The following ST8SIA1 variants were observed in gnomAD, a reference collection of about 807,000 sequenced individuals.
ST8SIA1 encodes alpha-N-acetylneuraminide alpha-2,8-sialyltransferase.
ST8SIA1 carries 16 observed loss-of-function variants against 35.9 expected under a neutral mutation model. The ratio of observed to expected loss-of-function variants is 0.45; its 90% CI spans 0.30 to 0.68. The LOEUF (loss-of-function observed/expected upper bound fraction) is 0.68. Among genes scored for constraint, ST8SIA1 ranks in the 30% least tolerant of loss-of-function variants. The pLI, the probability that ST8SIA1 is intolerant of heterozygous loss-of-function variation, is 0.09. For synonymous variants in ST8SIA1, 170 were observed against 169.6 expected (o/e 1.00, Z -0.02); for missense variants, 383 against 453.6 (o/e 0.84, Z 1.41).
At chr12:22,303,006 G>A (rs1228210896) in intron 1 of ST8SIA1, among the ~76,000 whole-genome samples, 3 of 152,030 alleles carry the variant, frequency 2.0e-5, no homozygotes. Context: ...AACCACCTTG[G>A]GCACATGTTG....
chr12:22,213,429 G>A (rs904787157), intron 4 of ST8SIA1, among the ~76,000 whole-genome samples: 12 of 152,176 alleles, frequency 7.9e-5, no homozygotes, highest in Admixed American at 5.9e-4. Context: ...CAGCATGGGG[G>A]TTCCAAACCT....
At chr12:22,207,535 G>C (rs1318752513) in intron 4 of ST8SIA1, among the ~76,000 whole-genome samples, 2 of 152,224 alleles carry the variant, frequency 1.3e-5, no homozygotes, top group East Asian at 3.9e-4. Context: ...TTGGGGGAGT[G>C]GGGGGCGGTC....
intron 2 of ST8SIA1, among the ~76,000 whole-genome samples, chr12:22,261,164 A>T (rs1203876161): frequency 2.0e-5 from 3 of 151,922 alleles, no homozygotes; most frequent in Non-Finnish European, 4.4e-5. Context: ...GTTTGTTTTG[A>T]GACAGAGTCT....
At chr12:22,306,330 T>C (rs200724361) in intron 1 of ST8SIA1, among the ~76,000 whole-genome samples, 3 of 152,178 alleles carry the variant, frequency 2.0e-5, no homozygotes, top group East Asian at 3.9e-4. Context: ...CTGTCTCACA[T>C]ATTCAGGGTT....
intron 4 of ST8SIA1, among the ~76,000 whole-genome samples, chr12:22,217,299 G>A (rs1044131374): frequency 6.6e-6 from 1 of 152,048 alleles, no homozygotes; most frequent in Admixed American, 6.6e-5. Context: ...TTTAAAAACA[G>A]ATATTAATTT....
intron 4 of ST8SIA1, among the ~76,000 whole-genome samples, chr12:22,231,999 T>G (rs1200653653): frequency 1.3e-5 from 2 of 152,198 alleles, no homozygotes; most frequent in Non-Finnish European, 2.9e-5. Context: ...TTGCTAGGGT[T>G]ATTCTCATAG....
chr12:22,242,521 T>C (rs1458755938), intron 4 of ST8SIA1, among the ~76,000 whole-genome samples: 1 of 152,138 alleles, frequency 6.6e-6, no homozygotes, highest in Non-Finnish European at 1.5e-5. Flanking sequence ...ATTTAACCTA[T>C]GCCACAAAAA....
At chr12:22,246,881 C>G (rs1865610278) in intron 4 of ST8SIA1, among the ~76,000 whole-genome samples, 1 of 152,130 alleles carries the variant, frequency 6.6e-6, no homozygotes, top group African/African-American at 2.4e-5. Flanking sequence ...GGGCACAGAA[C>G]CTGGCACACA....
chr12:22,234,863 A>G (rs1273092444), intron 4 of ST8SIA1, among the ~76,000 whole-genome samples: 4 of 152,206 alleles, frequency 2.6e-5, no homozygotes, highest in Non-Finnish European at 4.4e-5. Context: ...AATCAATAAA[A>G]TATGGTAATT....
intron 4 of ST8SIA1, chr12:22,223,669 A>G: frequency 8.4e-7 from 1 of 1,187,356 alleles, no homozygotes; most frequent in Non-Finnish European, 1.1e-6. Context: ...CTGATTCTGC[A>G]GTCTATTGAT....
At chr12:22,219,227 C>A (rs935023184) in intron 4 of ST8SIA1, among the ~76,000 whole-genome samples, 1 of 152,084 alleles carries the variant, frequency 6.6e-6, no homozygotes, top group Non-Finnish European at 1.5e-5. Context: ...CAGTAACATA[C>A]CACAAATGTA....
At chr12:22,225,444 C>T (rs1369643238) in intron 4 of ST8SIA1, among the ~76,000 whole-genome samples, 1 of 151,954 alleles carries the variant, frequency 6.6e-6, no homozygotes, top group Admixed American at 6.6e-5. Context: ...AAAATGGAGA[C>T]CACGGCTGAG....
chr12:22,251,209 G>A (rs745665951), intron 3 of ST8SIA1, among the ~76,000 whole-genome samples: 6 of 152,186 alleles, frequency 3.9e-5, no homozygotes, highest in Non-Finnish European at 7.4e-5. Context: ...GCTATGTTAC[G>A]CTAAAACTGT....
chr12:22,276,277 T>C (rs16924859), intron 2 of ST8SIA1, among the ~76,000 whole-genome samples: 8,202 of 152,312 alleles, frequency 0.054, 326 homozygotes, highest in East Asian at 0.15. Context: ...TGTCCTAATA[T>C]TCAAAGCAGC....
chr12:22,243,422 C>CCTTT (rs3831856), intron 4 of ST8SIA1, among the ~76,000 whole-genome samples: 109,035 of 151,480 alleles, frequency 0.72, 39,408 homozygotes, highest in Middle Eastern at 0.87. Context: ...ATACATACTG[C>CCTTT]CTCACTTCAA....
At chr12:22,294,529 G>T (rs997461065) in intron 1 of ST8SIA1, among the ~76,000 whole-genome samples, 4 of 152,146 alleles carry the variant, frequency 2.6e-5, no homozygotes, top group Non-Finnish European at 5.9e-5. Flanking sequence ...TGGATAATTT[G>T]CCAGAACTAC....
chr12:22,308,428 C>A (rs112455527), intron 1 of ST8SIA1, among the ~76,000 whole-genome samples: 3 of 152,150 alleles, frequency 2.0e-5, no homozygotes, highest in African/African-American at 7.2e-5. Flanking sequence ...TACACACTTA[C>A]CTATCAATTA....
rs1229335293 is a variant in ST8SIA1, at chr12:22,200,524, A to T, written c.*1028T>A. On this transcript the variant is annotated 3_prime_UTR_variant, in exon 5 of 5. Transcript: ENST00000396037. ...CTAAATAACAATAGCTCAAAAGAGG[A>T]AACATATTCAAAGTTTCGCTCAATT... 6.6e-6 allele frequency: 1 copy of T among 152,200 alleles called. No homozygotes were observed. The highest frequency in any genetic ancestry group is 2.4e-5 in the African/African-American group (1 of 41,460). The allele number at this position is 152,200 out of a possible 1,614,324, so 9.4% of individuals were successfully genotyped here.
At position 22,301,161 on chromosome 12, in the gene ST8SIA1, T is replaced by C. The variant is rs1013752061; in HGVS notation, c.237-13868A>G. 2.6e-5 allele frequency among the ~76,000 whole-genome samples: 4 copies of C among 152,086 alleles called. No homozygotes were observed. The South Asian group carries it at 8.3e-4, about 31-fold the overall frequency. The stretch of plus-strand genomic sequence containing the variant: ...TCATCCATGGACAATTATTGTCTTG[T>C]TTTGATCCTCCTTAGAAGGTGGTTT... On this transcript the variant is annotated intron_variant, in intron 1 of 4. Transcript: ENST00000396037.
Sources: gnomAD v4.1 joint callset for allele counts (sites outside exome capture counted in the v4.1 genomes callset) on GRCh38, gnomAD v4.1.1 for gene constraint, MANE v1.5 for transcripts, NCBI Gene and HGNC (gene_info 2026-07-23, HGNC 2026-07-21) for gene names.